P2RY14: variants seen among roughly 807,000 people sequenced by gnomAD.
P2RY14 encodes purinergic receptor P2Y14.
In P2RY14, 2 loss-of-function variants were observed where a neutral mutation model predicts 0.9. That is an observed-to-expected ratio of 2.16 (90% CI 0.88 to 6.79). The LOEUF is 6.79. P2RY14 is among the 30% of genes most tolerant of loss of function. The probability of loss-of-function intolerance (pLI) is 0.05; values close to 1 mark genes in which losing one functional copy is unlikely to be tolerated. For synonymous variants in P2RY14, 158 were observed against 147.2 expected (o/e 1.07, Z -0.53); for missense variants, 378 against 400.1 (o/e 0.94, Z 0.47).
At chr3:151,234,948 T>G (rs946442823) in intron 1 of P2RY14, among the ~76,000 whole-genome samples, 12 of 152,348 alleles carry the variant, frequency 7.9e-5, no homozygotes, top group African/African-American at 2.6e-4. Context: ...CCAGCGAACT[T>G]TCTTCTATCT....
chr3:151,233,811 C>T (rs1002476794), intron 1 of P2RY14, among the ~76,000 whole-genome samples: 5 of 152,228 alleles, frequency 3.3e-5, no homozygotes, highest in African/African-American at 9.6e-5. Flanking sequence ...TCCTGTTCCT[C>T]CTCTGCCATC....
At chr3:151,221,414 A>G (rs147106007) in intron 1 of P2RY14, among the ~76,000 whole-genome samples, 7 of 152,332 alleles carry the variant, frequency 4.6e-5, no homozygotes, top group Admixed American at 3.3e-4. Context: ...TATCCAGGGC[A>G]TGTCAAAGGT....
chr3:151,238,685 A>G (rs1260924082), intron 1 of P2RY14, among the ~76,000 whole-genome samples: 1 of 152,206 alleles, frequency 6.6e-6, no homozygotes, highest in Non-Finnish European at 1.5e-5. Flanking sequence ...CTGACATACA[A>G]TCTTAAACAA....
intron 1 of P2RY14, among the ~76,000 whole-genome samples, chr3:151,260,764 G>C (rs1738717312): frequency 6.6e-6 from 1 of 152,204 alleles, no homozygotes; most frequent in East Asian, 1.9e-4. Flanking sequence ...GTCTTTAAAA[G>C]GTAAATAACT....
At chr3:151,223,175 C>CAAAAAAA (rs10646837) in intron 1 of P2RY14, among the ~76,000 whole-genome samples, 43 of 127,114 alleles carry the variant, frequency 3.4e-4, no homozygotes, top group African/African-American at 1.1e-3. Flanking sequence ...TTAAAAAGTC[C>CAAAAAAA]AAAAAAAAAA....
rs113584921 is a variant in P2RY14 at position 151,240,976 on chromosome 3, T to A, written c.-132-21334A>T. Among the ~76,000 whole-genome samples the A allele has an allele frequency of 6.8e-3, 1,037 of 152,320 alleles. 7 individuals are homozygous for A. Among genetic ancestry groups the A allele is most frequent in the South Asian group, 0.014 (70 of 4,832 alleles). ...CTAATTGGTGAAACAGGGGCAAGAA[T>A]AGAAGGCCTTTTCCAGTGTCTCCTG... On this transcript the variant is annotated intron_variant, in intron 1 of 2. Transcript: ENST00000309170.
chr3:151,247,533 A>G (rs1247548217), intron 1 of P2RY14, among the ~76,000 whole-genome samples: 1 of 148,924 alleles, frequency 6.7e-6, no homozygotes, highest in Non-Finnish European at 1.5e-5. Flanking sequence ...AACACTGCAT[A>G]TTCTCACTCA....
chr3:151,238,392 C>T (rs1220474769), intron 1 of P2RY14, among the ~76,000 whole-genome samples: 1 of 152,222 alleles, frequency 6.6e-6, no homozygotes, highest in Non-Finnish European at 1.5e-5. Context: ...GGTGATCCAC[C>T]CGCCTCAGCC....
intron 2 of P2RY14, among the ~76,000 whole-genome samples, chr3:151,218,200 A>G (rs1212358988): frequency 6.6e-6 from 1 of 152,226 alleles, no homozygotes; most frequent in East Asian, 1.9e-4. Context: ...AAAGAATCAG[A>G]AAAGAAGCTT....
intron 1 of P2RY14, among the ~76,000 whole-genome samples, chr3:151,258,851 CAAAA>C (rs63714361): frequency 1.1e-4 from 10 of 89,902 alleles, no homozygotes; most frequent in Non-Finnish European, 1.5e-4. Context: ...GATTCTGTCT[CAAAA>C]AAAAAAAAAA....
intron 1 of P2RY14, among the ~76,000 whole-genome samples, chr3:151,226,431 G>A (rs1054935275): frequency 6.6e-5 from 10 of 152,144 alleles, no homozygotes; most frequent in African/African-American, 2.4e-4. Flanking sequence ...ATGGTTAAGT[G>A]ATTCATCAAA....
chr3:151,253,926 A>C (rs916028210), intron 1 of P2RY14, among the ~76,000 whole-genome samples: 1 of 151,348 alleles, frequency 6.6e-6, no homozygotes, highest in East Asian at 1.9e-4. Flanking sequence ...GACCTCCACT[A>C]CTTTTTTTTT....
intron 1 of P2RY14, among the ~76,000 whole-genome samples, chr3:151,266,291 C>G (rs1739822751): frequency 6.6e-6 from 1 of 152,156 alleles, no homozygotes; most frequent in African/African-American, 2.4e-5. Context: ...ATGAACTTAT[C>G]AAAGCCAAAA....
intron 1 of P2RY14, among the ~76,000 whole-genome samples, chr3:151,239,146 T>C (rs1417803491): frequency 6.6e-6 from 1 of 152,240 alleles, no homozygotes; most frequent in Non-Finnish European, 1.5e-5. Context: ...GAAAAGTGTT[T>C]ATATTTACAA....
At chr3:151,249,583 A>C (rs1216762720) in intron 1 of P2RY14, among the ~76,000 whole-genome samples, 1 of 152,084 alleles carries the variant, frequency 6.6e-6, no homozygotes. Flanking sequence ...CTCTAGACTT[A>C]TCCTGGTCTA....
chr3:151,272,300 GATAAAA>G (rs1389368612), intron 1 of P2RY14, among the ~76,000 whole-genome samples: 5 of 152,286 alleles, frequency 3.3e-5, no homozygotes, highest in East Asian at 3.9e-4. Context: ...AAGAGGTCAA[GATAAAA>G]ATAAAACAGG....
Position 151,255,329 on chromosome 3 carries a change from T to G in P2RY14, c.-133+22958A>C, listed in dbSNP as rs1737617662. ...TGTGTGACATGCAGTGTGACTTAAA[T>G]ATCTACCTTAGCTTTTGCCATAGTT... is the stretch of plus-strand genomic sequence containing the variant. On this transcript the variant is annotated intron_variant, in intron 1 of 2. Coordinates refer to ENST00000309170, the MANE Select transcript of P2RY14 (RefSeq NM_014879.4). Among the ~76,000 whole-genome samples the G allele has an allele frequency of 3.3e-5, 5 of 152,222 alleles. No individual in the cohort carries two copies. The South Asian group carries it at 1.0e-3, about 32-fold the overall frequency.
chr3:151,250,636 C>G (rs1447535427), intron 1 of P2RY14, among the ~76,000 whole-genome samples: 4 of 152,176 alleles, frequency 2.6e-5, no homozygotes, highest in South Asian at 2.1e-4. Context: ...ATATTCCGCT[C>G]TATGTATATA....
chr3:151,240,555 A>G (rs1733869282), intron 1 of P2RY14, among the ~76,000 whole-genome samples: 1 of 152,246 alleles, frequency 6.6e-6, no homozygotes, highest in South Asian at 2.1e-4. Flanking sequence ...AAAGAGCTAA[A>G]AAACAAAACA....
Sources: allele counts gnomAD v4.1 joint callset (sites outside exome capture counted in the v4.1 genomes callset), GRCh38; gene constraint gnomAD v4.1.1; transcripts MANE v1.5; gene names NCBI Gene and HGNC (gene_info 2026-07-23, HGNC 2026-07-21).